Variants in TP63 observed in about 807,000 individuals in gnomAD.
TP63 encodes the protein tumor protein p63, also known as tumor protein 63.
In TP63, 17 loss-of-function variants were observed where a neutral mutation model predicts 82.8. The observed-to-expected ratio is 0.21, with a 90% CI of 0.14 to 0.31. The LOEUF is 0.31. TP63 is among the 10% of genes least tolerant of loss of function. TP63 has a pLI of 1.00. For missense variants in TP63, 648 were observed against 895.3 expected (o/e 0.72, Z 3.52); for synonymous variants, 330 against 321.7 (o/e 1.03, Z -0.28).
At chr3:189,796,048 G>A (rs1244388763) in intron 3 of TP63, among the ~76,000 whole-genome samples, 4 of 151,856 alleles carry the variant, frequency 2.6e-5, no homozygotes, top group Non-Finnish European at 4.4e-5. Flanking sequence ...CTTAGAAATA[G>A]GACCAGAAGT....
At chr3:189,744,609 G>A (rs894330431) in intron 3 of TP63, among the ~76,000 whole-genome samples, 1 of 152,138 alleles carries the variant, frequency 6.6e-6, no homozygotes, top group African/African-American at 2.4e-5. Context: ...TCACCTGCAG[G>A]CCTGGGGTCT....
chr3:189,811,373 T>G (rs1447104922), intron 4 of TP63, among the ~76,000 whole-genome samples: 1 of 152,262 alleles, frequency 6.6e-6, no homozygotes, highest in Non-Finnish European at 1.5e-5. Flanking sequence ...TTCACTTTTC[T>G]GCATTCTACC....
At chr3:189,869,507 G>T (rs1359923498) in intron 9 of TP63, 101 bp downstream of exon 9, 2 of 1,091,346 alleles carry the variant, frequency 1.8e-6, no homozygotes, top group African/African-American at 1.6e-5. Context: ...AATGGGAAAG[G>T]AGGTGTCTTA....
chr3:189,850,165 C>T (rs1301993020), intron 4 of TP63, among the ~76,000 whole-genome samples: 1 of 148,456 alleles, frequency 6.7e-6, no homozygotes, highest in Non-Finnish European at 1.5e-5. Flanking sequence ...GCCTGTAGTC[C>T]CAGCTGTTTG....
upstream of TP63, chr3:189,631,269 C>T (rs1729440981): frequency 7.7e-7 from 1 of 1,302,198 alleles, no homozygotes; most frequent in East Asian, 3.4e-5. Flanking sequence ...GAGAGGATGC[C>T]CAGCTGGTAA....
chr3:189,891,393 T>C (rs2108866133), intron 13 of TP63, among the ~76,000 whole-genome samples: 1 of 152,312 alleles, frequency 6.6e-6, no homozygotes, highest in Non-Finnish European at 1.5e-5. Flanking sequence ...TTTTCTGCCT[T>C]TCTTTAAATT....
intron 1 of TP63, among the ~76,000 whole-genome samples, chr3:189,683,321 C>T (rs1716138306): frequency 6.6e-6 from 1 of 152,094 alleles, no homozygotes; most frequent in African/African-American, 2.4e-5. Context: ...AAAATATGCA[C>T]AGCACAAAAC....
intron 1 of TP63, among the ~76,000 whole-genome samples, chr3:189,632,448 T>C (rs751886041): frequency 2.0e-5 from 3 of 152,132 alleles, no homozygotes; most frequent in Admixed American, 1.3e-4. Flanking sequence ...AGGACTCACT[T>C]ACTGTAGACT....
chr3:189,868,537 G>T, intron 7 of TP63, 43 bp from the exon 8 acceptor site: 11 of 1,611,388 alleles, frequency 6.8e-6, no homozygotes, highest in Non-Finnish European at 9.3e-6. Context: ...CTTTCAAAAT[G>T]CTTTGAATTT....
chr3:189,774,770 C>T (rs747786516), intron 3 of TP63, among the ~76,000 whole-genome samples: 14 of 152,154 alleles, frequency 9.2e-5, no homozygotes, highest in Non-Finnish European at 1.6e-4. Context: ...TTTTGACTCC[C>T]GGCCAAGTAT....
At chr3:189,885,457 G>T (rs76618690) in intron 10 of TP63, among the ~76,000 whole-genome samples, 4,679 of 152,284 alleles carry the variant, frequency 0.031, 89 homozygotes, top group Middle Eastern at 0.13. Flanking sequence ...AGAAAACAAA[G>T]GCCAGGATGT....
At chr3:189,836,220 G>T (rs1282055021) in intron 4 of TP63, among the ~76,000 whole-genome samples, 2 of 152,136 alleles carry the variant, frequency 1.3e-5, no homozygotes, top group Non-Finnish European at 2.9e-5. Context: ...ATGTACACGT[G>T]CAACTTAAAA....
At chr3:189,701,774 C>A (rs186875869) in intron 1 of TP63, among the ~76,000 whole-genome samples, 76 of 151,930 alleles carry the variant, frequency 5.0e-4, no homozygotes, top group African/African-American at 1.6e-3. Flanking sequence ...GGGATTGATT[C>A]CTCACTGTCT....
chr3:189,820,933 C>G (rs909875365), intron 4 of TP63, among the ~76,000 whole-genome samples: 1 of 152,152 alleles, frequency 6.6e-6, no homozygotes, highest in Non-Finnish European at 1.5e-5. Flanking sequence ...GTCTTACTTT[C>G]CTTTGCCTAG....
At chr3:189,857,842 C>T (rs1022951696) in intron 4 of TP63, among the ~76,000 whole-genome samples, 4 of 152,038 alleles carry the variant, frequency 2.6e-5, no homozygotes, top group East Asian at 1.9e-4. Flanking sequence ...TAACTGTTAG[C>T]GAGGATGTGG....
chr3:189,645,425 T>C, intron 1 of TP63: 1 of 417,438 alleles, frequency 2.4e-6, no homozygotes, highest in Admixed American at 3.0e-5. Flanking sequence ...CTCCATGGTC[T>C]TCCAGCTGGT....
intron 3 of TP63, among the ~76,000 whole-genome samples, chr3:189,777,106 C>G (rs1723860781): frequency 6.6e-6 from 1 of 152,172 alleles, no homozygotes; most frequent in Admixed American, 6.5e-5. Flanking sequence ...TTCAAGTCCA[C>G]CACAGTCTTA....
intron 1 of TP63, among the ~76,000 whole-genome samples, chr3:189,669,545 A>T (rs915963513): frequency 6.6e-5 from 10 of 152,050 alleles, no homozygotes; most frequent in Non-Finnish European, 1.3e-4. Context: ...AAAAATAATC[A>T]CACTGTAAAG....
At chr3:189,863,629 C>T (rs183909258) in intron 4 of TP63, among the ~76,000 whole-genome samples, 62 of 152,304 alleles carry the variant, frequency 4.1e-4, no homozygotes, top group African/African-American at 1.3e-3. Context: ...CTCTTGCATT[C>T]TCCTAGTCTT....
Sources: gnomAD v4.1 joint callset for allele counts (sites outside exome capture counted in the v4.1 genomes callset) on GRCh38, gnomAD v4.1.1 for gene constraint, MANE v1.5 for transcripts, NCBI Gene and HGNC (gene_info 2026-07-23, HGNC 2026-07-21) for gene names.